Variants in ADM observed in about 807,000 individuals in gnomAD.
The protein encoded by ADM is pro-adrenomedullin.
ADM carries 4 observed loss-of-function variants against 9.0 expected under a neutral mutation model. That is an observed-to-expected ratio of 0.44 (90% CI 0.22 to 1.02). ADM has a LOEUF of 1.02. Among genes scored for constraint, ADM ranks in the 50% least tolerant of loss-of-function variants. The pLI, the probability that ADM is intolerant of heterozygous loss-of-function variation, is 0.24. For synonymous variants in ADM, 107 were observed against 107.2 expected (o/e 1.00, Z 0.01); for missense variants, 253 against 254.1 (o/e 1.00, Z 0.03).
Position 10,306,705 on chromosome 11 carries a change from A to G in ADM, c.*64A>G, listed in dbSNP as rs1305751624. 35 of 1,465,154 alleles carry G rather than the reference A, an allele frequency of 2.4e-5. No homozygotes were observed. Among genetic ancestry groups the G allele is most frequent in the Non-Finnish European group, 3.1e-5 (34 of 1,099,548 alleles). 90.8% of individuals were successfully genotyped at this position (1,465,154 alleles called of 1,614,324 possible). On this transcript the variant is annotated 3_prime_UTR_variant, in exon 4 of 4. Coordinates refer to ENST00000278175, the MANE Select transcript of ADM (RefSeq NM_001124.3). ...CATCCCGCTGGTGCCTCCCGGGACGAAGGACTTCCCGAGCGGTGTGGGGAC... is the reference window on the plus strand; with the variant it reads ...CATCCCGCTGGTGCCTCCCGGGACGGAGGACTTCCCGAGCGGTGTGGGGAC...
At position 10,305,900 on chromosome 11, in the gene ADM, C is replaced by G. The variant is rs780529950; in HGVS notation, c.99-49C>G. 1.9e-6 allele frequency: 3 copies of G among 1,612,560 alleles called. No homozygotes were observed. In the African/African-American group the frequency reaches 4.0e-5, roughly 21 times the overall value. On this transcript the variant is annotated intron_variant, in intron 2 of 3. Coordinates refer to ENST00000278175, the MANE Select transcript of ADM (RefSeq NM_001124.3). ...GAAGTGAATGGGAGCAGGGACAGGC[C>G]TGGGCGTCACCTGAACGCACGCGAA...
In ADM at chr11:10,305,817, T is replaced by C. The variant is rs377067923; in HGVS notation, c.98+19T>C. The C allele has an allele frequency of 6.2e-7, 1 of 1,613,828 alleles. No individual in the cohort carries two copies. The highest frequency in any genetic ancestry group is 1.3e-5 in the African/African-American group (1 of 75,066). On this transcript the variant is annotated intron_variant, in intron 2 of 3. Transcript: ENST00000278175. ...GAAAGAAGTGAGTCCGGGCAGCGCC[T>C]TCCCCCTTGCTGGTACCTGGCAGGC...
chr11:10,305,812 G>A lies in ADM; in HGVS notation c.98+14G>A. 2.5e-6 allele frequency: 4 copies of A among 1,614,050 alleles called. No homozygotes were observed. The highest frequency in any genetic ancestry group is 3.4e-6 in the Non-Finnish European group (4 of 1,179,976). Reference sequence around the variant, plus strand: ...GTTTCGAAAGAAGTGAGTCCGGGCAGCGCCTTCCCCCTTGCTGGTACCTGG... The same window carrying A: ...GTTTCGAAAGAAGTGAGTCCGGGCAACGCCTTCCCCCTTGCTGGTACCTGG... On this transcript the variant is annotated intron_variant, in intron 2 of 3. Coordinates refer to ENST00000278175, the MANE Select transcript of ADM (RefSeq NM_001124.3).
intron 3 of ADM, 21 bp from the exon 4 acceptor site, chr11:10,306,311 T>TGGGGGGGGGGCCGG: frequency 1.9e-6 from 3 of 1,543,786 alleles, no homozygotes; most frequent in Non-Finnish European, 2.7e-6. Flanking sequence ...TTGCCTTTCT[T>TGGGGGGGGGGCCGG]CCCCCTCCCC....
In ADM at chr11:10,306,810, C is replaced by T; in HGVS notation, c.*169C>T. ...GAGCTCTGGCTTTGCAAGGGCCCCT[C>T]CTTCTGGGGGCTTCGCTTCCTTAGC... On this transcript the variant is annotated 3_prime_UTR_variant, in exon 4 of 4. Transcript: ENST00000278175. The T allele has an allele frequency of 3.3e-6, 2 of 609,344 alleles. No homozygotes were observed. The highest frequency in any genetic ancestry group is 5.3e-6 in the Non-Finnish European group (2 of 373,974). 37.7% of individuals were successfully genotyped at this position (609,344 alleles called of 1,614,324 possible).
intron 1 of ADM, 37 bp from the exon 2 acceptor site, chr11:10,305,643 C>T: frequency 1.3e-6 from 2 of 1,573,752 alleles, no homozygotes; most frequent in South Asian, 1.1e-5. Flanking sequence ...GCAGCTGGCC[C>T]GGGTGCTCAC....
rs1964666386 is a variant in ADM, at chr11:10,306,818, G to T, written c.*177G>T. ...GCTTTGCAAGGGCCCCTCCTTCTGGGGGCTTCGCTTCCTTAGCCTTGCTCA... is the reference window on the plus strand; with the variant it reads ...GCTTTGCAAGGGCCCCTCCTTCTGGTGGCTTCGCTTCCTTAGCCTTGCTCA... On this transcript the variant is annotated 3_prime_UTR_variant, in exon 4 of 4. Transcript: ENST00000278175. The T allele has an allele frequency of 3.4e-6, 2 of 581,770 alleles. No individual in the cohort carries two copies. The highest frequency in any genetic ancestry group is 5.7e-6 in the Non-Finnish European group (2 of 351,024). 36.0% of individuals were successfully genotyped at this position (581,770 alleles called of 1,614,324 possible). A position where few individuals can be genotyped will look rare whatever the true frequency, so the allele number is the denominator to read the frequency against.
chr11:10,305,521 G>T, intron 1 of ADM, 159 bp from the exon 2 acceptor site: 2 of 623,524 alleles, frequency 3.2e-6, no homozygotes, highest in East Asian at 5.6e-5. Context: ...GCGTGCAAAC[G>T]CCTCTGGCGC....
intron 1 of ADM, 87 bp from the exon 2 acceptor site, chr11:10,305,593 C>G: frequency 2.5e-6 from 3 of 1,182,166 alleles, no homozygotes; most frequent in South Asian, 2.5e-5. Context: ...ACCCGCCTCG[C>G]CGGGGCCCCT....
rs773405081 is a variant in ADM, at chr11:10,306,606, G to GC, written c.530dup (p.Ser178GlufsTer19). On this transcript the variant is annotated frameshift_variant, in exon 4 of 4. Transcript: ENST00000278175. LOFTEE classifies it low-confidence loss of function (END_TRUNC). The stretch of plus-strand genomic sequence containing the variant: ...TAAGCCACAAGCACACGGGGCTCCA[G>GC]CCCCCCCGAGTGGAAGTGCTCCCCA... The GC allele has an allele frequency of 2.0e-5, 32 of 1,569,606 alleles. No individual in the cohort carries two copies. Among genetic ancestry groups the GC allele is most frequent in the East Asian group, 4.5e-5 (2 of 44,258 alleles).
intron 1 of ADM, 108 bp from the exon 2 acceptor site, chr11:10,305,572 G>C (rs1054936254): frequency 4.6e-6 from 4 of 877,152 alleles, no homozygotes; most frequent in African/African-American, 3.4e-5. Flanking sequence ...GCCAGGGAAA[G>C]CGCGGGCTAA....
Position 10,306,810 on chromosome 11 carries a change from CCTT to C in ADM, c.*172_*174del. The C allele has an allele frequency of 1.6e-6, 1 of 609,344 alleles. No homozygotes were observed. Among genetic ancestry groups the C allele is most frequent in the Admixed American group, 3.8e-5 (1 of 26,018 alleles). The allele number at this position is 609,344 out of a possible 1,614,324, so 37.7% of individuals were successfully genotyped here. A position where few individuals can be genotyped will look rare whatever the true frequency, so the allele number is the denominator to read the frequency against. On this transcript the variant is annotated 3_prime_UTR_variant, in exon 4 of 4. Coordinates refer to ENST00000278175, the MANE Select transcript of ADM (RefSeq NM_001124.3). ...GAGCTCTGGCTTTGCAAGGGCCCCT[CCTT>C]CTGGGGGCTTCGCTTCCTTAGCCTT...
Position 10,305,963 on chromosome 11 carries a change from C to T in ADM, c.113C>T (p.Ala38Val). Residue 38 changes from alanine to valine, a missense_variant, in exon 3 of 4, where the codon GCT (alanine) becomes GTT (valine). Transcript: ENST00000278175. ...GTGTTTTCCAGGTGGAATAAGTGGG[C>T]TCTGAGTCGTGGGAAGAGGGAACTG... Reference protein sequence around the residue: ...SEFRKKWNKWALSRGKRELRM... With the variant: ...SEFRKKWNKWVLSRGKRELRM... The T allele has an allele frequency of 1.9e-6, 3 of 1,613,858 alleles. No homozygotes were observed. The highest frequency in any genetic ancestry group is 2.5e-6 in the Non-Finnish European group (3 of 1,180,034).
intron 1 of ADM, 71 bp from the exon 2 acceptor site, chr11:10,305,609 C>T (rs1271731688): frequency 1.8e-5 from 25 of 1,395,856 alleles, no homozygotes; most frequent in Non-Finnish European, 2.3e-5. Context: ...CCCCTGCCCG[C>T]CCTCCGTGCC....
In ADM at chr11:10,306,885, T is replaced by A. The variant is rs1964667143; in HGVS notation, c.*244T>A. On this transcript the variant is annotated 3_prime_UTR_variant, in exon 4 of 4. Coordinates refer to ENST00000278175, the MANE Select transcript of ADM (RefSeq NM_001124.3). Reference sequence around the variant, plus strand: ...GGGGCGGGGTGCAGAAGAATCCGAGTGTTTGCCAGGCTTAAGGAGAGGAGA... The same window carrying A: ...GGGGCGGGGTGCAGAAGAATCCGAGAGTTTGCCAGGCTTAAGGAGAGGAGA... 3 of 425,832 alleles carry A rather than the reference T, an allele frequency of 7.0e-6. No homozygotes were observed. In the South Asian group the frequency reaches 1.8e-4, roughly 25 times the overall value. The allele number at this position is 425,832 out of a possible 1,614,324, so 26.4% of individuals were successfully genotyped here.
At position 10,305,808 on chromosome 11, in the gene ADM, G is replaced by C. The variant is rs759548593; in HGVS notation, c.98+10G>C. The C allele has an allele frequency of 3.1e-6, 5 of 1,613,976 alleles. No homozygotes were observed. In the Admixed American group the frequency reaches 5.0e-5, roughly 16 times the overall value. On this transcript the variant is annotated intron_variant, in intron 2 of 3. Transcript: ENST00000278175. ...CGGAGTTTCGAAAGAAGTGAGTCCG[G>C]GCAGCGCCTTCCCCCTTGCTGGTAC...
In ADM at chr11:10,305,670, T is replaced by C. The variant is rs113773352; in HGVS notation, c.-21-10T>C. On this transcript the variant is annotated splice_polypyrimidine_tract_variant and intron_variant, in intron 1 of 3. Transcript: ENST00000278175. ...GGTGCTCACGCTCGACTCTCTTTCT[T>C]CTTTTCCAGGGTCTGCGCTTCGCAG... The C allele has an allele frequency of 8.7e-6, 14 of 1,609,034 alleles. No homozygotes were observed. Among genetic ancestry groups the C allele is most frequent in the Non-Finnish European group, 1.2e-5 (14 of 1,177,420 alleles).
chr11:10,305,353 C>T, intron 1 of ADM, 124 bp downstream of exon 1: 1 of 303,128 alleles, frequency 3.3e-6, no homozygotes, highest in Non-Finnish European at 6.3e-6. Context: ...GAGATAGATA[C>T]ACCCCATATC....
rs747075720 is a variant in ADM, at chr11:10,306,373, A to T, written c.290A>T (p.Gln97Leu). The T allele has an allele frequency of 4.0e-6, 6 of 1,488,330 alleles. No individual in the cohort carries two copies. Among genetic ancestry groups the T allele is most frequent in the Non-Finnish European group, 5.4e-6 (6 of 1,110,566 alleles). 92.2% of individuals were successfully genotyped at this position (1,488,330 alleles called of 1,614,324 possible). Reference sequence around the variant, plus strand: ...CGCATCCGAGTCAAGCGCTACCGCCAGAGCATGAACAACTTCCAGGGCCTC... The same window carrying T: ...CGCATCCGAGTCAAGCGCTACCGCCTGAGCATGAACAACTTCCAGGGCCTC... ...AARIRVKRYR[Q>L]SMNNFQGLRS... Residue 97 changes from glutamine to leucine, a missense_variant, in exon 4 of 4, where the codon CAG (glutamine) becomes CTG (leucine). Gln to Leu is a moderately radical substitution (Grantham distance 113). Coordinates refer to ENST00000278175, the MANE Select transcript of ADM (RefSeq NM_001124.3).
Sources: gnomAD v4.1 joint callset for allele counts on GRCh38, gnomAD v4.1.1 for gene constraint, MANE v1.5 for transcripts, NCBI Gene and HGNC (gene_info 2026-07-23, HGNC 2026-07-21) for gene names.